The following GALNT13 variants were observed in gnomAD, a reference collection of about 807,000 sequenced individuals.
GALNT13 encodes the protein polypeptide N-acetylgalactosaminyltransferase 13.
In GALNT13, 28 loss-of-function variants were observed where a neutral mutation model predicts 64.2. The observed-to-expected ratio is 0.44, with a 90% CI of 0.32 to 0.60. The LOEUF is 0.60. GALNT13 is among the 20% of genes least tolerant of loss of function. GALNT13 has a pLI of 0.05. For missense variants in GALNT13, 577 were observed against 669.8 expected (o/e 0.86, Z 1.53); for synonymous variants, 214 against 224.6 (o/e 0.95, Z 0.42).
the GALNT13 span, among the ~76,000 whole-genome samples, chr2:153,276,073 G>T: frequency 0.83 from 125,589 of 152,092 alleles, 53,037 homozygotes; most frequent in African/African-American, 0.91. Flanking sequence ...GTAAAAGCCA[G>T]TTGCATTTTG....
intron 3 of GALNT13, among the ~76,000 whole-genome samples, chr2:154,096,359 C>G (rs116610831): frequency 6.6e-6 from 1 of 151,924 alleles, no homozygotes; most frequent in African/African-American, 2.4e-5. Flanking sequence ...TTCCTACAAA[C>G]CAGAAGAGGT....
At chr2:153,939,853 C>T (rs777023221) in intron 2 of GALNT13, among the ~76,000 whole-genome samples, 53 of 152,268 alleles carry the variant, frequency 3.5e-4, no homozygotes, top group African/African-American at 9.9e-4. Flanking sequence ...AACTACTATT[C>T]GCATTTTGTG....
At chr2:153,783,686 G>T in the GALNT13 span, among the ~76,000 whole-genome samples, 1 of 151,932 alleles carries the variant, frequency 6.6e-6, no homozygotes, top group Non-Finnish European at 1.5e-5. Flanking sequence ...ATTCTATCAT[G>T]GGAACAGTTT....
chr2:154,348,256 T>C (rs977836794), intron 9 of GALNT13, among the ~76,000 whole-genome samples: 4 of 152,152 alleles, frequency 2.6e-5, no homozygotes, highest in Non-Finnish European at 5.9e-5. Context: ...GGTGTCATAC[T>C]TTAAATGACT....
chr2:153,993,404 T>C (rs1440954049), intron 3 of GALNT13, among the ~76,000 whole-genome samples: 2 of 151,966 alleles, frequency 1.3e-5, no homozygotes, highest in Non-Finnish European at 2.9e-5. Flanking sequence ...ATTATTAATA[T>C]GATAAATTTG....
chr2:153,173,119 A>C, the GALNT13 span: 1 of 149,966 alleles, frequency 6.7e-6, no homozygotes, highest in Non-Finnish European at 1.5e-5. Flanking sequence ...ATATCTATAT[A>C]ATTCCAAACA....
intron 9 of GALNT13, among the ~76,000 whole-genome samples, chr2:154,357,665 C>A (rs1168304139): frequency 6.6e-6 from 1 of 151,990 alleles, no homozygotes; most frequent in Admixed American, 6.6e-5. Flanking sequence ...TGAAACAAAG[C>A]TTCATTACTG....
At chr2:154,438,081 C>G (rs1302054524) in intron 11 of GALNT13, among the ~76,000 whole-genome samples, 3 of 151,982 alleles carry the variant, frequency 2.0e-5, no homozygotes, top group African/African-American at 7.3e-5. Context: ...TTAATAAGAT[C>G]TCTAGAGAAG....
At chr2:154,298,491 AT>A (rs1426299721) in intron 8 of GALNT13, among the ~76,000 whole-genome samples, 2 of 88,780 alleles carry the variant, frequency 2.3e-5, no homozygotes, top group Non-Finnish European at 5.0e-5. Flanking sequence ...TTATATATAA[AT>A]TATATATACA....
At chr2:153,486,667 C>A in the GALNT13 span, among the ~76,000 whole-genome samples, 1 of 151,880 alleles carries the variant, frequency 6.6e-6, no homozygotes, top group African/African-American at 2.4e-5. Flanking sequence ...AATAACTCAC[C>A]CCAAGCTTGA....
chr2:153,564,157 G>A, the GALNT13 span, among the ~76,000 whole-genome samples: 13 of 151,812 alleles, frequency 8.6e-5, no homozygotes, highest in East Asian at 2.0e-4. Flanking sequence ...GGGCTATTTC[G>A]TCACTAGATT....
At chr2:154,199,503 G>C (rs1687058373) in intron 4 of GALNT13, among the ~76,000 whole-genome samples, 1 of 151,874 alleles carries the variant, frequency 6.6e-6, no homozygotes, top group African/African-American at 2.4e-5. Flanking sequence ...TTTTCCTTTT[G>C]TAATATCTTA....
At chr2:153,558,817 G>T in the GALNT13 span, among the ~76,000 whole-genome samples, 1 of 152,198 alleles carries the variant, frequency 6.6e-6, no homozygotes, top group Admixed American at 6.5e-5. Flanking sequence ...TTATGGGTCA[G>T]ATAATAGTAT....
chr2:153,963,731 C>CTCTCTGTG (rs1223478876), intron 3 of GALNT13, among the ~76,000 whole-genome samples: 2 of 100,806 alleles, frequency 2.0e-5, no homozygotes, highest in East Asian at 2.9e-4. Context: ...CTCTCTCTCT[C>CTCTCTGTG]TGTGTGTGTG....
chr2:154,317,934 A>G (rs1035846287), intron 9 of GALNT13, among the ~76,000 whole-genome samples: 5 of 70,650 alleles, frequency 7.1e-5, no homozygotes, highest in African/African-American at 1.8e-4. Flanking sequence ...ACCAAAATCT[A>G]AAAAAAAAAA....
chr2:154,381,554 C>G (rs1414460573), intron 9 of GALNT13, among the ~76,000 whole-genome samples: 3 of 151,974 alleles, frequency 2.0e-5, no homozygotes, highest in Non-Finnish European at 2.9e-5. Flanking sequence ...CATTGTATCC[C>G]CATCACCTAG....
chr2:154,363,926 G>A (rs1697219097), intron 9 of GALNT13, among the ~76,000 whole-genome samples: 1 of 152,104 alleles, frequency 6.6e-6, no homozygotes, highest in South Asian at 2.1e-4. Flanking sequence ...TATCTAGGGG[G>A]TCTAAAAAAT....
chr2:153,931,484 G>A (rs754961516), intron 2 of GALNT13, among the ~76,000 whole-genome samples: 4 of 151,788 alleles, frequency 2.6e-5, no homozygotes, highest in East Asian at 1.9e-4. Context: ...CATTGGCTGC[G>A]GTTTTGTCAT....
the GALNT13 span, among the ~76,000 whole-genome samples, chr2:153,121,825 C>T: frequency 1.3e-5 from 2 of 152,162 alleles, no homozygotes; most frequent in Non-Finnish European, 2.9e-5. Flanking sequence ...TGAGCTACTG[C>T]ATTTTTTACG....
Sources: gnomAD v4.1 joint callset for allele counts (sites outside exome capture counted in the v4.1 genomes callset) on GRCh38, gnomAD v4.1.1 for gene constraint, MANE v1.5 for transcripts, NCBI Gene and HGNC (gene_info 2026-07-23, HGNC 2026-07-21) for gene names.